GTPBP6: variants seen among roughly 807,000 people sequenced by gnomAD.
The protein encoded by GTPBP6 is putative GTP-binding protein 6.
GTPBP6 carries 33 observed loss-of-function variants against 28.9 expected under a neutral mutation model. That is an observed-to-expected ratio of 1.14 (90% CI 0.87 to 1.53). The LOEUF is 1.53. Among genes scored for constraint, GTPBP6 ranks in the 40% most tolerant of loss-of-function variants. The probability of loss-of-function intolerance (pLI) is 0.00; values close to 1 mark genes in which losing one functional copy is unlikely to be tolerated. For missense variants in GTPBP6, 507 were observed against 408.3 expected, an observed-to-expected ratio of 1.24 and a Z score of -2.08; for synonymous variants, 231 against 192.7, an observed-to-expected ratio of 1.20 and a Z score of -1.65.
chrX:308,167 C>A (rs2070212676), intron 7 of GTPBP6, among the ~76,000 whole-genome samples: 1 of 152,028 alleles, frequency 6.6e-6, no homozygotes, highest in South Asian at 2.1e-4. Flanking sequence ...CCAACCACCA[C>A]CCACCCACCC....
exon 10 of GTPBP6, chrX:305,149 C>G (rs772160886): frequency 6.2e-7 from 1 of 1,613,714 alleles, no homozygotes; most frequent in South Asian, 1.1e-5. Context: ...CCGCCCCGTC[C>G]TCAGGGATCA....
chrX:317,328 G>A, intron 1 of GTPBP6, among the ~76,000 whole-genome samples: 1 of 150,264 alleles, frequency 6.7e-6, no homozygotes, highest in Non-Finnish European at 1.5e-5. Flanking sequence ...GGAGCTGCGG[G>A]TGCTCAGGGG....
exon 6 of GTPBP6, chrX:312,892 G>C (rs755412815): frequency 1.2e-6 from 2 of 1,612,670 alleles, no homozygotes; most frequent in East Asian, 4.5e-5. Context: ...TTCTCTCTCA[G>C]GAGACGCTGC....
chrX:313,749 G>A (rs749631172), intron 5 of GTPBP6, among the ~76,000 whole-genome samples: 2 of 152,124 alleles, frequency 1.3e-5, no homozygotes, highest in South Asian at 2.1e-4. Context: ...ACAAACCCAG[G>A]GATGCCTGGA....
At chrX:311,835 C>T (rs2070307092) in intron 6 of GTPBP6, 1 of 607,740 alleles carries the variant, frequency 1.6e-6, no homozygotes, top group East Asian at 2.8e-5. Flanking sequence ...TGGAGCGGGG[C>T]CGCCGTGCGG....
rs1320295141 is a variant in GTPBP6 at position 311,382 on chromosome X, T to C, written c.1125+37A>G. On this transcript the variant is annotated intron_variant, in intron 7 of 9. Coordinates refer to ENST00000326153, the Ensembl canonical transcript of GTPBP6. ...GTGCCCAGCCCCCGTGCCGAATGGG[T>C]GTCCGAGCACCCGATCCCCGGCCGT... The C allele has an allele frequency of 4.0e-6, 6 of 1,492,124 alleles. No individual in the cohort carries two copies. The African/African-American group carries it at 9.2e-5, about 23-fold the overall frequency. 92.4% of individuals were successfully genotyped at this position (1,492,124 alleles called of 1,614,324 possible). A position where few individuals can be genotyped will look rare whatever the true frequency, so the allele number is the denominator to read the frequency against.
chrX:315,415 C>T (rs2070411355), intron 2 of GTPBP6, 116 bp from the exon 3 acceptor site: 2 of 398,446 alleles, frequency 5.0e-6, no homozygotes, highest in Admixed American at 4.4e-5. Context: ...ACAGGCATCC[C>T]CGACTTCCTG....
chrX:316,366 G>C lies in GTPBP6; in HGVS notation c.487+548C>G, dbSNP rs1381875156. Among the ~76,000 whole-genome samples, 106 of 106,554 alleles carry C rather than the reference G, an allele frequency of 9.9e-4. 2 individuals carry two copies. The South Asian group carries it at 0.019, about 19-fold the overall frequency. 69.9% of individuals were successfully genotyped at this position (106,554 alleles called of 152,430 possible). A position where few individuals can be genotyped will look rare whatever the true frequency, so the allele number is the denominator to read the frequency against. ...ACACACACACACACACACACACACA[G>C]GGTGAACACATCCCAGCAGGGGTGA... is the stretch of plus-strand genomic sequence containing the variant. On this transcript the variant is annotated intron_variant, in intron 2 of 9. Coordinates refer to ENST00000326153, the Ensembl canonical transcript of GTPBP6.
At chrX:311,445 CGGA>C in exon 7 of GTPBP6, 1 of 1,456,774 alleles carries the variant, frequency 6.9e-7, no homozygotes, top group South Asian at 1.3e-5. Flanking sequence ...TCCAGGGTGG[CGGA>C]GAAGGACTCG....
intron 5 of GTPBP6, among the ~76,000 whole-genome samples, chrX:313,823 G>T (rs911668341): frequency 6.6e-6 from 1 of 152,170 alleles, no homozygotes; most frequent in African/African-American, 2.4e-5. Flanking sequence ...TCCTCACCTT[G>T]ATCTCAGAGT....
chrX:313,481 G>C (rs1241265587), intron 5 of GTPBP6, among the ~76,000 whole-genome samples: 5 of 149,834 alleles, frequency 3.3e-5, no homozygotes, highest in Non-Finnish European at 5.9e-5. Context: ...CCAGAGGGAA[G>C]TGGATACAAG....
exon 9 of GTPBP6, chrX:307,456 A>T: frequency 6.2e-7 from 1 of 1,611,608 alleles, no homozygotes; most frequent in Non-Finnish European, 8.5e-7. Context: ...CAGCTCCTGG[A>T]GCCCGTGGCC....
At chrX:307,952 GGA>G (rs2070208211) in intron 7 of GTPBP6, 72 bp from the exon 8 acceptor site, 5 of 1,332,916 alleles carry the variant, frequency 3.8e-6, no homozygotes, top group Non-Finnish European at 4.9e-6. Context: ...GACAGGCCCA[GGA>G]GAGGGGCTCA....
intron 7 of GTPBP6, among the ~76,000 whole-genome samples, chrX:310,099 C>G (rs1253798606): frequency 4.4e-4 from 53 of 121,122 alleles, no homozygotes; most frequent in East Asian, 2.3e-3. Context: ...CTGAAGTGAA[C>G]TGAACTGTGG....
At chrX:310,111 C>T (rs1294104435) in intron 7 of GTPBP6, among the ~76,000 whole-genome samples, 1 of 122,344 alleles carries the variant, frequency 8.2e-6, no homozygotes, top group African/African-American at 3.1e-5. Flanking sequence ...GAACTGTGGC[C>T]CCCCACAAAA....
rs1173368855 is a variant in GTPBP6 at position 317,494 on chromosome X, GA to G, written c.350-444del. On this transcript the variant is annotated intron_variant, in intron 1 of 9. Transcript: ENST00000326153. ...TCATCGACTACAGGAGCTTCCAAGG[GA>G]AAAATCAACCTTTATGAGACTCTGA... Among the ~76,000 whole-genome samples, 579 of 139,642 alleles carry G rather than the reference GA, an allele frequency of 4.1e-3. No homozygotes were observed. In the Middle Eastern group the frequency reaches 0.056, roughly 14 times the overall value. The allele number at this position is 139,642 out of a possible 152,430, so 91.6% of individuals were successfully genotyped here. A position where few individuals can be genotyped will look rare whatever the true frequency, so the allele number is the denominator to read the frequency against.
chrX:312,729 A>C, intron 6 of GTPBP6, 37 bp downstream of exon 6: 1 of 1,585,662 alleles, frequency 6.3e-7, no homozygotes, highest in Non-Finnish European at 8.6e-7. Context: ...GGTGACACGG[A>C]GACCGCGGAA....
At chrX:310,013 G>T (rs1489213787) in intron 7 of GTPBP6, among the ~76,000 whole-genome samples, 5 of 139,952 alleles carry the variant, frequency 3.6e-5, no homozygotes, top group Admixed American at 2.1e-4. Context: ...CAAGCCCAGG[G>T]ACGCCTGGAG....
chrX:305,899 C>G (rs1459802787), intron 9 of GTPBP6, among the ~76,000 whole-genome samples: 1 of 152,160 alleles, frequency 6.6e-6, no homozygotes. Context: ...GTTGGGATTA[C>G]AGGTGTGAGC....
Sources: allele counts gnomAD v4.1 joint callset (sites outside exome capture counted in the v4.1 genomes callset), GRCh38; gene constraint gnomAD v4.1.1; transcripts MANE v1.5; gene names NCBI Gene and HGNC (gene_info 2026-07-23, HGNC 2026-07-21).